Variants in CHRDL1 observed in about 807,000 individuals in gnomAD.
The protein encoded by CHRDL1 is chordin like 1.
A neutral mutation model predicts 40.9 loss-of-function variants in CHRDL1; 19 were observed. That is an observed-to-expected ratio of 0.46 (90% CI 0.32 to 0.68). The LOEUF is 0.68. Among genes scored for constraint, CHRDL1 ranks in the 30% least tolerant of loss-of-function variants. The pLI, the probability that CHRDL1 is intolerant of heterozygous loss-of-function variation, is 0.03. For missense variants in CHRDL1, 329 were observed against 352.1 expected (o/e 0.93, Z 0.53); for synonymous variants, 136 against 123.4 (o/e 1.10, Z -0.68).
At position 110,689,068 on chromosome X, in the gene CHRDL1, ATATG is replaced by A. The variant is rs2070091497; in HGVS notation, c.779-269_779-266del. ...CATAGTAGGCAGTCCATAAATATATATATGTATATATATATATATATATATATAT... is the reference window on the plus strand; with the variant it reads ...CATAGTAGGCAGTCCATAAATATATATATATATATATATATATATATATAT... On this transcript the variant is annotated intron_variant, in intron 8 of 11. Transcript: ENST00000372042. 1.9e-4 allele frequency among the ~76,000 whole-genome samples: 3 copies of A among 15,434 alleles called. 1 individual carries two copies. The African/African-American group carries it at 3.3e-3, about 17-fold the overall frequency. 13.4% of individuals were successfully genotyped at this position (15,434 alleles called of 115,157 possible).
intron 6 of CHRDL1, among the ~76,000 whole-genome samples, chrX:110,704,946 T>C (rs2070593104): frequency 9.0e-6 from 1 of 111,404 alleles, no homozygotes; most frequent in African/African-American, 3.3e-5. Flanking sequence ...TGATTGGTAT[T>C]GACATAAAAT....
rs747422590 is a variant in CHRDL1, at chrX:110,681,500, C to T, written c.1138G>A (p.Val380Ile). 26 of 1,209,795 alleles carry T rather than the reference C, an allele frequency of 2.1e-5. No individual in the cohort carries two copies. The highest frequency in any genetic ancestry group is 1.5e-4 in the Admixed American group (7 of 46,022). ...TGCTCACCCTTTCGAATAGTCCAAACGTGGACCTCTACCTGAGGTGGTCTC... is the reference window on the plus strand; with the variant it reads ...TGCTCACCCTTTCGAATAGTCCAAATGTGGACCTCTACCTGAGGTGGTCTC... ...TERPPQVEVH[V>I]WTIRKGILQH... Residue 380 changes from valine (V) to isoleucine (I), a missense_variant, in exon 10 of 12, where the codon GTT becomes ATT. Transcript: ENST00000372042.
intron 6 of CHRDL1, among the ~76,000 whole-genome samples, chrX:110,710,458 A>G (rs961647565): frequency 2.7e-5 from 3 of 112,347 alleles, no homozygotes; most frequent in Non-Finnish European, 5.6e-5. Context: ...CCAATCCCAG[A>G]AACAGAATGG....
intron 2 of CHRDL1, among the ~76,000 whole-genome samples, chrX:110,790,945 T>C (rs2090088597): frequency 9.4e-6 from 1 of 106,313 alleles, no homozygotes; most frequent in African/African-American, 3.4e-5. Context: ...CTCAAAAGCA[T>C]AATCAAAAAC....
intron 4 of CHRDL1, among the ~76,000 whole-genome samples, chrX:110,736,818 C>A (rs946910009): frequency 8.9e-6 from 1 of 112,136 alleles, no homozygotes; most frequent in Admixed American, 9.4e-5. Flanking sequence ...TTTACTGGCT[C>A]ATGCTTACAC....
chrX:110,755,448 C>T (rs748201778), intron 4 of CHRDL1, among the ~76,000 whole-genome samples: 2 of 111,234 alleles, frequency 1.8e-5, no homozygotes, highest in African/African-American at 3.3e-5. Flanking sequence ...TTAGGGGTAA[C>T]GAGTTTAGAA....
At chrX:110,747,884 T>C (rs1229262261) in intron 4 of CHRDL1, among the ~76,000 whole-genome samples, 1 of 112,738 alleles carries the variant, frequency 8.9e-6, no homozygotes, top group Non-Finnish European at 1.9e-5. Flanking sequence ...TTGATATTAA[T>C]GGAATCATAT....
At chrX:110,738,600 G>A (rs937050057) in intron 4 of CHRDL1, among the ~76,000 whole-genome samples, 6 of 109,677 alleles carry the variant, frequency 5.5e-5, no homozygotes, top group African/African-American at 1.3e-4. Context: ...AAATTAGCTC[G>A]GCGTGGTGGC....
chrX:110,695,054 A>G (rs1336691530), intron 7 of CHRDL1, among the ~76,000 whole-genome samples: 4 of 110,822 alleles, frequency 3.6e-5, no homozygotes, highest in African/African-American at 1.3e-4. Context: ...TTAGAGAAAT[A>G]ATGTAATCAG....
intron 4 of CHRDL1, among the ~76,000 whole-genome samples, chrX:110,737,899 C>T (rs2071290030): frequency 9.0e-6 from 1 of 111,517 alleles, no homozygotes; most frequent in African/African-American, 3.3e-5. Context: ...CCCCAGGGGA[C>T]ATTTGGCAAT....
At chrX:110,718,178 G>A (rs1443099611) in intron 6 of CHRDL1, among the ~76,000 whole-genome samples, 1 of 111,421 alleles carries the variant, frequency 9.0e-6, no homozygotes, top group African/African-American at 3.3e-5. Flanking sequence ...AGCAAGGCTG[G>A]GATTAGAACC....
intron 4 of CHRDL1, among the ~76,000 whole-genome samples, chrX:110,758,130 C>CAAAAAAA: frequency 1.2e-5 from 1 of 82,820 alleles, no homozygotes; most frequent in East Asian, 3.8e-4. Context: ...AACAAAAAAA[C>CAAAAAAA]AAAAAAAAAA....
intron 2 of CHRDL1, among the ~76,000 whole-genome samples, chrX:110,789,950 A>G: frequency 8.9e-6 from 1 of 112,278 alleles, no homozygotes; most frequent in Non-Finnish European, 1.9e-5. Flanking sequence ...TTTTAATAGT[A>G]GCATTATATT....
At chrX:110,791,951 A>C (rs2090109093) in intron 2 of CHRDL1, 137 bp downstream of exon 2, 1 of 441,424 alleles carries the variant, frequency 2.3e-6, no homozygotes, top group South Asian at 4.1e-5. Flanking sequence ...TTCATGCATA[A>C]ACCAGTAACA....
intron 6 of CHRDL1, among the ~76,000 whole-genome samples, chrX:110,719,279 T>TA (rs199773686): frequency 7.0e-4 from 78 of 111,109 alleles, no homozygotes; most frequent in African/African-American, 2.5e-3. Flanking sequence ...GGTGCCATTA[T>TA]AAAAAAAATA....
intron 10 of CHRDL1, among the ~76,000 whole-genome samples, chrX:110,680,025 T>C (rs2069860058): frequency 8.9e-6 from 1 of 112,027 alleles, no homozygotes; most frequent in African/African-American, 3.2e-5. Context: ...ATAGCTTTTA[T>C]CACAATAACA....
intron 4 of CHRDL1, among the ~76,000 whole-genome samples, chrX:110,751,295 G>T (rs1011169549): frequency 8.9e-6 from 1 of 111,937 alleles, no homozygotes; most frequent in African/African-American, 3.2e-5. Context: ...TATACCAATA[G>T]CTTATTGCTA....
chrX:110,697,814 CCACACACACACACACACACACACACACA>C (rs60454872), intron 7 of CHRDL1, among the ~76,000 whole-genome samples: 14 of 55,127 alleles, frequency 2.5e-4, no homozygotes, highest in East Asian at 7.1e-4. Flanking sequence ...CCACACCACT[CCACACACACACACACACACACACACACA>C]CACACACACA....
chrX:110,756,149 T>C (rs1242806223), intron 4 of CHRDL1, among the ~76,000 whole-genome samples: 1 of 111,904 alleles, frequency 8.9e-6, no homozygotes, highest in Non-Finnish European at 1.9e-5. Context: ...ATCTCCCTGT[T>C]ATTTTCAAAA....
Sources: allele counts gnomAD v4.1 joint callset (sites outside exome capture counted in the v4.1 genomes callset), GRCh38; gene constraint gnomAD v4.1.1; transcripts MANE v1.5; gene names NCBI Gene and HGNC (gene_info 2026-07-23, HGNC 2026-07-21).